The following EPC1 variants were observed in gnomAD, a reference collection of about 807,000 sequenced individuals.
The protein encoded by EPC1 is enhancer of polycomb homolog 1.
A neutral mutation model predicts 98.4 loss-of-function variants in EPC1; 12 were observed. That is an observed-to-expected ratio of 0.12 (90% CI 0.08 to 0.20). EPC1 has a LOEUF of 0.20. EPC1 is among the 10% of genes least tolerant of loss of function. The pLI, the probability that EPC1 is intolerant of heterozygous loss-of-function variation, is 1.00. For missense variants in EPC1, 729 were observed against 990.5 expected (o/e 0.74, Z 3.54); for synonymous variants, 357 against 363.9 (o/e 0.98, Z 0.21).
At chr10:32,358,370 G>T (rs1453400135) in intron 1 of EPC1, among the ~76,000 whole-genome samples, 3 of 152,106 alleles carry the variant, frequency 2.0e-5, no homozygotes, top group African/African-American at 7.2e-5. Context: ...TAGGATGGGT[G>T]TGGTGTCTCA....
rs1412169766 is a variant in EPC1 at position 32,268,081 on chromosome 10, C to T, written c.*982G>A. ...TTACTGCATTCTTCTCCCTTATATC[C>T]TTTTCGTAAGAACAAGTAAAGAATG... is the stretch of plus-strand genomic sequence containing the variant. On this transcript the variant is annotated 3_prime_UTR_variant, in exon 14 of 14. Transcript: ENST00000319778. The T allele has an allele frequency of 6.6e-6, 1 of 152,144 alleles. No individual in the cohort carries two copies. The highest frequency in any genetic ancestry group is 2.4e-5 in the African/African-American group (1 of 41,428). 9.4% of individuals were successfully genotyped at this position (152,144 alleles called of 1,614,324 possible).
At chr10:32,295,178 A>T (rs1201749886) in intron 2 of EPC1, among the ~76,000 whole-genome samples, 1 of 152,008 alleles carries the variant, frequency 6.6e-6, no homozygotes, top group Non-Finnish European at 1.5e-5. Flanking sequence ...TGCCTTCTTT[A>T]CTTCTGTACC....
intron 1 of EPC1, chr10:32,345,596 G>A (rs937092881): frequency 1.0e-6 from 1 of 985,426 alleles, no homozygotes; most frequent in Non-Finnish European, 1.2e-6. Flanking sequence ...CTTAGGATTA[G>A]AAGTCATCAA....
chr10:32,297,834 G>T (rs761059887), intron 2 of EPC1, among the ~76,000 whole-genome samples: 9 of 152,030 alleles, frequency 5.9e-5, no homozygotes, highest in Admixed American at 4.6e-4. Context: ...GTCTCGCTCT[G>T]TCGCCCAGGC....
intron 1 of EPC1, among the ~76,000 whole-genome samples, chr10:32,320,475 G>T (rs1404939428): frequency 6.6e-6 from 1 of 152,128 alleles, no homozygotes; most frequent in Non-Finnish European, 1.5e-5. Context: ...ACAGAGGCAG[G>T]GATAAGCTAT....
At chr10:32,299,586 CCTCA>C (rs1348961271) in intron 2 of EPC1, among the ~76,000 whole-genome samples, 2 of 151,864 alleles carry the variant, frequency 1.3e-5, no homozygotes, top group Non-Finnish European at 2.9e-5. Flanking sequence ...TTAGCACATT[CCTCA>C]CTCTGTGTTT....
At chr10:32,350,154 G>A (rs1592631235), upstream of EPC1, among the ~76,000 whole-genome samples, 2 of 152,330 alleles carry the variant, frequency 1.3e-5, no homozygotes, top group Middle Eastern at 3.4e-3. Flanking sequence ...GGGCAAAGGT[G>A]AATACCCTAA....
At position 32,286,731 on chromosome 10, in the gene EPC1, T is replaced by C. The variant is rs1435831830; in HGVS notation, c.1354A>G (p.Ile452Val). 28 of 1,614,144 alleles carry C rather than the reference T, an allele frequency of 1.7e-5. 2 individuals are homozygous for C. Among genetic ancestry groups the C allele is most frequent in the Non-Finnish European group, 1.6e-5 (19 of 1,180,040 alleles). ...LTTLTVPQRC[I>V]GFARRRVGRG... ...CCAACCCGTCTTCGTGCAAATCCAA[T>C]ACACCTTTGGGGTACGGTGAGAGTA... The change falls in exon 9 of 14, where the codon ATT becomes GTT. Residue 452 changes from isoleucine to valine, a missense_variant. Ile to Val is a conservative substitution (Grantham distance 29). Transcript: ENST00000319778.
At chr10:32,345,401 AAAC>A (rs948924632) in intron 1 of EPC1, 33 of 985,450 alleles carry the variant, frequency 3.3e-5, no homozygotes, top group Admixed American at 3.1e-4. Context: ...TTATTTCCAA[AAAC>A]AACATTACAG....
At position 32,308,165 on chromosome 10, in the gene EPC1, G is replaced by A. The variant is rs947814264; in HGVS notation, c.154-2234C>T. ...ACTTTTGGGAGGCTTAAACTCCCTTGAGCCCAGGAGTTTGAGACCAGCCTG... is the reference window on the plus strand; with the variant it reads ...ACTTTTGGGAGGCTTAAACTCCCTTAAGCCCAGGAGTTTGAGACCAGCCTG... On this transcript the variant is annotated intron_variant, in intron 1 of 13. Coordinates refer to ENST00000319778, the MANE Select transcript of EPC1 (RefSeq NM_001272004.3). Among the ~76,000 whole-genome samples the A allele has an allele frequency of 5.3e-5, 8 of 152,096 alleles. No individual in the cohort carries two copies. The East Asian group carries it at 1.5e-3, about 29-fold the overall frequency.
chr10:32,307,752 G>A (rs1476001427), intron 1 of EPC1, among the ~76,000 whole-genome samples: 5 of 152,160 alleles, frequency 3.3e-5, no homozygotes, highest in Non-Finnish European at 7.3e-5. Flanking sequence ...CCCAGTGTAT[G>A]TCAGTTACAT....
At chr10:32,299,946 C>T (rs1294324518) in intron 2 of EPC1, among the ~76,000 whole-genome samples, 1 of 152,076 alleles carries the variant, frequency 6.6e-6, no homozygotes, top group African/African-American at 2.4e-5. Flanking sequence ...CGGAAGCTCG[C>T]TCTGTTGCCC....
chr10:32,353,678 A>G (rs1354453985), intron 1 of EPC1, among the ~76,000 whole-genome samples: 1 of 152,238 alleles, frequency 6.6e-6, no homozygotes, highest in South Asian at 2.1e-4. Context: ...GAGGTACTGT[A>G]TTTGTATTTA....
At chr10:32,346,113 G>C (rs1038958014) in intron 1 of EPC1, among the ~76,000 whole-genome samples, 4 of 152,202 alleles carry the variant, frequency 2.6e-5, no homozygotes, top group Non-Finnish European at 5.9e-5. Context: ...AGAAAAGTAA[G>C]TCGTCCGGGC....
At chr10:32,349,870 GA>G (rs1409027826), upstream of EPC1, among the ~76,000 whole-genome samples, 11 of 152,180 alleles carry the variant, frequency 7.2e-5, no homozygotes, top group Admixed American at 2.0e-4. Context: ...AAAGTGCTGG[GA>G]TTACAGGTGT....
intron 10 of EPC1, chr10:32,283,929 A>G (rs938919225): frequency 6.6e-6 from 1 of 152,176 alleles, no homozygotes; most frequent in African/African-American, 2.4e-5. Context: ...ATCAGAGCAA[A>G]TGTTCATATT....
chr10:32,346,185 G>A (rs1006405554), intron 1 of EPC1, among the ~76,000 whole-genome samples: 1 of 152,200 alleles, frequency 6.6e-6, no homozygotes, highest in African/African-American at 2.4e-5. Flanking sequence ...AGAGCAGCAG[G>A]CGACATGACA....
chr10:32,351,722 T>C (rs1034500258), upstream of EPC1, among the ~76,000 whole-genome samples: 8 of 151,578 alleles, frequency 5.3e-5, no homozygotes, highest in African/African-American at 1.7e-4. Context: ...CTTTTGATTA[T>C]TTATTTATTT....
intron 1 of EPC1, among the ~76,000 whole-genome samples, chr10:32,330,528 G>A (rs1298344544): frequency 6.6e-6 from 1 of 152,258 alleles, no homozygotes; most frequent in African/African-American, 2.4e-5. Context: ...GGGATGGGTG[G>A]TCATCTTGTT....
Sources: gnomAD v4.1 joint callset for allele counts (sites outside exome capture counted in the v4.1 genomes callset) on GRCh38, gnomAD v4.1.1 for gene constraint, MANE v1.5 for transcripts, NCBI Gene and HGNC (gene_info 2026-07-23, HGNC 2026-07-21) for gene names.